Variants in LRRC53 observed in about 807,000 individuals in gnomAD.
LRRC53 encodes the protein leucine-rich repeat-containing protein 53.
In LRRC53, 25 loss-of-function variants were observed where a neutral mutation model predicts 13.6. The observed-to-expected ratio is 1.83, with a 90% confidence interval of 1.34 to 2.56. The LOEUF (loss-of-function observed/expected upper bound fraction) is 2.56. Among genes scored for constraint, LRRC53 ranks in the 30% most tolerant of loss-of-function variants. LRRC53 has a pLI of 0.00. For synonymous variants in LRRC53, 204 were observed against 109.8 expected (o/e 1.86, Z -5.37); for missense variants, 527 against 275.8 (o/e 1.91, Z -6.45).
rs534366768 is a variant in LRRC53, at chr1:74,507,183, T to TGCAAATA, written c.-27+5336_-27+5342dup. ...CTTTAAATATAGGTCCAGGAAAATTTGCAAATATCACACATGATGAGCAGT... is the reference window on the plus strand; with the variant it reads ...CTTTAAATATAGGTCCAGGAAAATTTGCAAATAGCAAATATCACACATGATGAGCAGT... On this transcript the variant is annotated intron_variant, in intron 1 of 4. Coordinates refer to ENST00000294635, the MANE Select transcript of LRRC53 (RefSeq NM_001382280.1). Among the ~76,000 whole-genome samples the TGCAAATA allele has an allele frequency of 1.1e-3, 168 of 151,642 alleles. 1 individual carries two copies. The highest frequency in any genetic ancestry group is 2.0e-3 in the Non-Finnish European group (133 of 67,938).
At position 74,481,960 on chromosome 1, in the gene LRRC53, G is replaced by A. The variant is rs143084380; in HGVS notation, c.89-992C>T. ...CGGAAACAAAGAGATTAAAAAATAC[G>A]TAAAAGACAAAAGATTCTCAGAGTG... is the stretch of plus-strand genomic sequence containing the variant. On this transcript the variant is annotated intron_variant, in intron 2 of 4. Transcript: ENST00000294635. Among the ~76,000 whole-genome samples, 109 of 152,214 alleles carry A rather than the reference G, an allele frequency of 7.2e-4. 1 individual carries two copies. Among genetic ancestry groups the A allele is most frequent in the South Asian group, 6.4e-3 (31 of 4,820 alleles).
intron 1 of LRRC53, among the ~76,000 whole-genome samples, chr1:74,486,114 C>T (rs1473732028): frequency 6.6e-6 from 1 of 151,482 alleles, no homozygotes; most frequent in Non-Finnish European, 1.5e-5. Flanking sequence ...TGAATTCTGT[C>T]CTCTGTTCCT....
the LRRC53 span, among the ~76,000 whole-genome samples, chr1:74,524,532 A>C: frequency 6.6e-6 from 1 of 152,172 alleles, no homozygotes; most frequent in Non-Finnish European, 1.5e-5. Flanking sequence ...AAAGTCACAT[A>C]AATCTCTTCT....
At chr1:74,483,401 A>G (rs1668599224) in intron 1 of LRRC53, 26 bp from the exon 2 acceptor site, 1 of 714,466 alleles carries the variant, frequency 1.4e-6, no homozygotes, top group Non-Finnish European at 2.6e-6. Flanking sequence ...AGGGCAATGT[A>G]TATCATAATG....
the LRRC53 span, among the ~76,000 whole-genome samples, chr1:74,519,985 C>A: frequency 6.0e-4 from 91 of 152,052 alleles, 2 homozygotes; most frequent in East Asian, 0.017. Flanking sequence ...GGGATCTTGC[C>A]CAAGCTCATT....
At chr1:74,490,597 GT>G (rs1669018972) in intron 1 of LRRC53, among the ~76,000 whole-genome samples, 2 of 152,188 alleles carry the variant, frequency 1.3e-5, no homozygotes. Flanking sequence ...TGCTGACAGA[GT>G]TTGCTGGACT....
At chr1:74,495,311 G>A (rs748995512) in intron 1 of LRRC53, among the ~76,000 whole-genome samples, 1 of 152,188 alleles carries the variant, frequency 6.6e-6, no homozygotes, top group Non-Finnish European at 1.5e-5. Context: ...AATCGGTAAA[G>A]CGTTTAGCTA....
chr1:74,516,704 T>A (rs945153247), upstream of LRRC53, among the ~76,000 whole-genome samples: 12 of 152,184 alleles, frequency 7.9e-5, no homozygotes, highest in Admixed American at 5.9e-4. Context: ...TGGTTGAGGA[T>A]GGCTTGTATA....
chr1:74,510,423 G>T (rs1670126643), intron 1 of LRRC53, among the ~76,000 whole-genome samples: 1 of 152,108 alleles, frequency 6.6e-6, no homozygotes, highest in African/African-American at 2.4e-5. Flanking sequence ...CAGGAGAATG[G>T]CTTGAACCCG....
chr1:74,534,047 C>G, the LRRC53 span, among the ~76,000 whole-genome samples: 2 of 152,120 alleles, frequency 1.3e-5, no homozygotes, highest in Non-Finnish European at 2.9e-5. Context: ...TAATTCCTTC[C>G]CAGACACCCC....
chr1:74,508,242 C>A (rs1044055991), intron 1 of LRRC53, among the ~76,000 whole-genome samples: 1 of 152,126 alleles, frequency 6.6e-6, no homozygotes, highest in Non-Finnish European at 1.5e-5. Flanking sequence ...CAAACCTGCA[C>A]CTTGTGCACA....
chr1:74,478,949 C>T (rs1322379984), intron 3 of LRRC53, among the ~76,000 whole-genome samples: 1 of 152,096 alleles, frequency 6.6e-6, no homozygotes, highest in African/African-American at 2.4e-5. Context: ...AATTTCCTTC[C>T]AAGTGAGTTG....
At chr1:74,506,981 A>G (rs1669937416) in intron 1 of LRRC53, among the ~76,000 whole-genome samples, 2 of 152,192 alleles carry the variant, frequency 1.3e-5, no homozygotes, top group Admixed American at 6.5e-5. Context: ...ATTCATATTA[A>G]ATAATTTCAT....
chr1:74,523,504 G>A, the LRRC53 span, among the ~76,000 whole-genome samples: 4 of 133,464 alleles, frequency 3.0e-5, no homozygotes, highest in Non-Finnish European at 6.6e-5. Flanking sequence ...AAGAGAAAGA[G>A]ACTCACTTAA....
upstream of LRRC53, among the ~76,000 whole-genome samples, chr1:74,515,572 G>C (rs151290968): frequency 6.6e-6 from 1 of 152,196 alleles, no homozygotes; most frequent in Non-Finnish European, 1.5e-5. Flanking sequence ...TAGGGCAGAA[G>C]TCAGGAAGAG....
intron 1 of LRRC53, among the ~76,000 whole-genome samples, chr1:74,488,642 C>A (rs1323481025): frequency 6.6e-6 from 1 of 152,072 alleles, no homozygotes; most frequent in Non-Finnish European, 1.5e-5. Context: ...TCGTCTGACA[C>A]AGAGGTTCAT....
chr1:74,500,687 A>C (rs866727859), intron 1 of LRRC53, among the ~76,000 whole-genome samples: 4 of 149,020 alleles, frequency 2.7e-5, no homozygotes, highest in Non-Finnish European at 5.9e-5. Flanking sequence ...TGTTGGAAGT[A>C]AACAAATGAA....
chr1:74,493,699 GTC>G (rs1281297421), intron 1 of LRRC53, among the ~76,000 whole-genome samples: 1 of 152,072 alleles, frequency 6.6e-6, no homozygotes, highest in Non-Finnish European at 1.5e-5. Flanking sequence ...TATTCCTTGG[GTC>G]TATCAACCTC....
intron 1 of LRRC53, among the ~76,000 whole-genome samples, chr1:74,505,878 T>C (rs1353709568): frequency 6.6e-6 from 1 of 152,260 alleles, no homozygotes; most frequent in Non-Finnish European, 1.5e-5. Flanking sequence ...TTTTTATTAA[T>C]GTGCAGATGT....
Sources: allele counts gnomAD v4.1 joint callset (sites outside exome capture counted in the v4.1 genomes callset), GRCh38; gene constraint gnomAD v4.1.1; transcripts MANE v1.5; gene names NCBI Gene and HGNC (gene_info 2026-07-23, HGNC 2026-07-21).